NRXN1: variants seen among roughly 807,000 people sequenced by gnomAD.
NRXN1 encodes the protein neurexin-1.
A neutral mutation model predicts 150.9 loss-of-function variants in NRXN1; 39 were observed. The observed-to-expected ratio is 0.26, with a 90% CI of 0.20 to 0.34. The LOEUF (loss-of-function observed/expected upper bound fraction) is 0.34. Among genes scored for constraint, NRXN1 ranks in the 10% least tolerant of loss-of-function variants. The pLI, the probability that NRXN1 is intolerant of heterozygous loss-of-function variation, is 1.00. For missense variants in NRXN1, 1,815 were observed against 1,949.9 expected, an observed-to-expected ratio of 0.93 and a Z score of 1.30; for synonymous variants, 924 against 757.0, an observed-to-expected ratio of 1.22 and a Z score of -3.62.
chr2:50,273,032 T>A (rs1165227192), intron 17 of NRXN1, among the ~76,000 whole-genome samples: 2 of 152,112 alleles, frequency 1.3e-5, no homozygotes, highest in African/African-American at 2.4e-5. Context: ...CACATAAAAA[T>A]TTTAAAAGAA....
chr2:50,535,761 T>C lies in NRXN1; in HGVS notation c.2143+2492A>G, dbSNP rs1163896509. Among the ~76,000 whole-genome samples the C allele has an allele frequency of 2.0e-5, 3 of 152,204 alleles. No homozygotes were observed. In the East Asian group the frequency reaches 5.8e-4, roughly 29 times the overall value. ...AAGTTAGCAAGTATCTTATTCTTTC[T>C]TATAAACTCCTTTGCTTCCTTAGGC... On this transcript the variant is annotated intron_variant, in intron 10 of 22. Coordinates refer to ENST00000401669, the MANE Select transcript of NRXN1 (RefSeq NM_001330078.2).
At chr2:50,143,102 G>A (rs1000596857) in intron 18 of NRXN1, among the ~76,000 whole-genome samples, 1 of 150,704 alleles carries the variant, frequency 6.6e-6, no homozygotes, top group Non-Finnish European at 1.5e-5. Flanking sequence ...TATGAACACA[G>A]GAATGGAAAA....
At chr2:50,235,257 G>T (rs183877005) in intron 18 of NRXN1, among the ~76,000 whole-genome samples, 6 of 152,162 alleles carry the variant, frequency 3.9e-5, no homozygotes, top group Admixed American at 3.9e-4. Context: ...TACTGTACTA[G>T]TAAAATTTAT....
At chr2:51,017,062 CAT>C (rs1668772021) in intron 2 of NRXN1, among the ~76,000 whole-genome samples, 1 of 151,370 alleles carries the variant, frequency 6.6e-6, no homozygotes, top group South Asian at 2.1e-4. Flanking sequence ...AATAAGAACA[CAT>C]GGACACAGGG....
chr2:50,742,983 T>C (rs144335989), intron 5 of NRXN1, among the ~76,000 whole-genome samples: 104 of 152,328 alleles, frequency 6.8e-4, no homozygotes, highest in Middle Eastern at 3.4e-3. Context: ...TCAAGGTCAC[T>C]AGAACTTGCT....
chr2:50,100,716 C>T (rs988180841), intron 18 of NRXN1, among the ~76,000 whole-genome samples: 2 of 152,068 alleles, frequency 1.3e-5, no homozygotes, highest in Non-Finnish European at 2.9e-5. Flanking sequence ...ATAAAGCTAC[C>T]TTAGCCTCTT....
intron 12 of NRXN1, 58 bp from the exon 13 acceptor site, chr2:50,506,675 C>G (rs1420961650): frequency 1.3e-6 from 2 of 1,583,818 alleles, no homozygotes; most frequent in African/African-American, 1.4e-5. Flanking sequence ...GCAAATGAAC[C>G]TCACAGAGAG....
At chr2:50,811,846 C>T (rs1178675162) in intron 5 of NRXN1, among the ~76,000 whole-genome samples, 2 of 152,080 alleles carry the variant, frequency 1.3e-5, no homozygotes, top group Non-Finnish European at 2.9e-5. Context: ...GTAAATAGGT[C>T]ACAATTCCAA....
At chr2:50,867,188 T>C (rs1199069125) in intron 5 of NRXN1, among the ~76,000 whole-genome samples, 1 of 151,890 alleles carries the variant, frequency 6.6e-6, no homozygotes. Context: ...GAATATATTC[T>C]TCTTTAAACA....
At position 50,236,951 on chromosome 2, in the gene NRXN1, A is replaced by T; in HGVS notation, c.3384T>A (p.Phe1128Leu). The T allele has an allele frequency of 6.2e-7, 1 of 1,613,280 alleles. No homozygotes were observed. The highest frequency in any genetic ancestry group is 8.5e-7 in the Non-Finnish European group (1 of 1,179,524). Reference sequence around the variant, plus strand: ...ACGTGATTTGTCCACCACCTTTGCTAAAGATATATGTCGTCCCAGCTGGAA... The same window carrying T: ...ACGTGATTTGTCCACCACCTTTGCTTAAGATATATGTCGTCCCAGCTGGAA... Reference protein sequence around the residue: ...LCNDPGTTYIFSKGGGQITYK... With the variant: ...LCNDPGTTYILSKGGGQITYK... The change falls in exon 18 of 23, where the codon TTT (phenylalanine) becomes TTA (leucine). Residue 1128 changes from phenylalanine to leucine, a missense_variant. Phe to Leu is a conservative substitution (Grantham distance 22). This residue lies in a region of NRXN1 where 339 missense variants were observed against 440.3 expected (regional missense o/e 0.77). Coordinates refer to ENST00000401669, the MANE Select transcript of NRXN1 (RefSeq NM_001330078.2).
chr2:50,097,702 C>T (rs146402079), intron 18 of NRXN1, among the ~76,000 whole-genome samples: 1,830 of 151,836 alleles, frequency 0.012, 48 homozygotes, highest in African/African-American at 0.042. Context: ...TGCAATGGCA[C>T]GATCTCAGCT....
chr2:50,090,107 T>C (rs1699364761), intron 19 of NRXN1, among the ~76,000 whole-genome samples: 1 of 152,212 alleles, frequency 6.6e-6, no homozygotes. Context: ...AGTTTTTTTA[T>C]TACATTTAAT....
At chr2:49,968,918 A>G (rs868166653) in intron 21 of NRXN1, among the ~76,000 whole-genome samples, 1 of 152,094 alleles carries the variant, frequency 6.6e-6, no homozygotes, top group South Asian at 2.1e-4. Flanking sequence ...TGCATAACCC[A>G]TGACATCTAG....
rs540961256 is a variant in NRXN1, at chr2:50,040,143, C to T, written c.4128+13128G>A. ...CAGACAGAATGTTAAAGTTAACATC[C>T]CTGGAAATAAAATGAGATCATGAGA... On this transcript the variant is annotated intron_variant, in intron 21 of 22. Transcript: ENST00000401669. 3.3e-5 allele frequency among the ~76,000 whole-genome samples: 5 copies of T among 151,728 alleles called. No homozygotes were observed. In the East Asian group the frequency reaches 9.7e-4, roughly 29 times the overall value.
chr2:50,454,161 C>T (rs1573034869), intron 17 of NRXN1, among the ~76,000 whole-genome samples: 1 of 151,740 alleles, frequency 6.6e-6, no homozygotes, highest in South Asian at 2.1e-4. Flanking sequence ...CCCCATCTCT[C>T]CTAAAAATAC....
intron 5 of NRXN1, among the ~76,000 whole-genome samples, chr2:50,637,322 G>A (rs1156996522): frequency 2.6e-5 from 4 of 152,044 alleles, no homozygotes; most frequent in Admixed American, 1.3e-4. Context: ...TTTCATCCCA[G>A]ATTCCCTATC....
chr2:50,561,260 C>T (rs1669032800), intron 8 of NRXN1, among the ~76,000 whole-genome samples: 1 of 152,286 alleles, frequency 6.6e-6, no homozygotes, highest in Middle Eastern at 3.4e-3. Context: ...GCTTTCAGTG[C>T]ATATGAGTAT....
At chr2:50,666,736 A>G (rs1688075993) in intron 5 of NRXN1, among the ~76,000 whole-genome samples, 1 of 151,978 alleles carries the variant, frequency 6.6e-6, no homozygotes. Context: ...ACAGCTTTAA[A>G]TACCAATTGT....
At chr2:49,961,376 G>A (rs1675931015) in intron 21 of NRXN1, among the ~76,000 whole-genome samples, 1 of 151,280 alleles carries the variant, frequency 6.6e-6, no homozygotes, top group Non-Finnish European at 1.5e-5. Context: ...CGTCCTCCTT[G>A]TTGTAACATT....
Sources: allele counts gnomAD v4.1 joint callset (sites outside exome capture counted in the v4.1 genomes callset), GRCh38; gene constraint gnomAD v4.1.1; regional missense constraint gnomAD v4.1.1; transcripts MANE v1.5; gene names NCBI Gene and HGNC (gene_info 2026-07-23, HGNC 2026-07-21).